Variants in EPHA6 observed in about 807,000 individuals in gnomAD.
The protein encoded by EPHA6 is EPH receptor A6.
A neutral mutation model predicts 112.0 loss-of-function variants in EPHA6; 50 were observed. The ratio of observed to expected loss-of-function variants is 0.45; its 90% CI spans 0.36 to 0.56. EPHA6 has a LOEUF of 0.56. Ranked by LOEUF, EPHA6 falls within the 20% of genes least tolerant of loss-of-function variation. EPHA6 has a pLI of 0.00. For missense variants in EPHA6, 1,280 were observed against 1,417.4 expected, an observed-to-expected ratio of 0.90 and a Z score of 1.56; for synonymous variants, 529 against 490.7, an observed-to-expected ratio of 1.08 and a Z score of -1.03.
chr3:97,523,524 T>A (rs1424252040), intron 10 of EPHA6, among the ~76,000 whole-genome samples: 1 of 152,104 alleles, frequency 6.6e-6, no homozygotes, highest in African/African-American at 2.4e-5. Flanking sequence ...GTTCTGTATA[T>A]ACCTGTTAGG....
chr3:96,983,081 T>A (rs2042868239), intron 2 of EPHA6, among the ~76,000 whole-genome samples: 1 of 152,172 alleles, frequency 6.6e-6, no homozygotes, highest in Admixed American at 6.5e-5. Flanking sequence ...ATGTGTGAAT[T>A]TGATCCTGTC....
At chr3:97,218,438 G>A (rs767717733) in intron 3 of EPHA6, among the ~76,000 whole-genome samples, 106 of 152,168 alleles carry the variant, frequency 7.0e-4, no homozygotes, top group Non-Finnish European at 1.2e-3. Context: ...CAATTGTGGC[G>A]GAAGGCAAAA....
chr3:96,843,831 T>A (rs2034903195), intron 1 of EPHA6, among the ~76,000 whole-genome samples: 1 of 152,070 alleles, frequency 6.6e-6, no homozygotes. Context: ...TAGTTAACAA[T>A]AATAAGAAAT....
At chr3:96,859,748 G>A (rs62262943) in intron 1 of EPHA6, among the ~76,000 whole-genome samples, 53 of 152,008 alleles carry the variant, frequency 3.5e-4, no homozygotes, top group Non-Finnish European at 6.6e-4. Flanking sequence ...GTTGTCTACT[G>A]GGATGCATTT....
chr3:97,609,820 G>A (rs1442931105), intron 12 of EPHA6, among the ~76,000 whole-genome samples: 5 of 151,476 alleles, frequency 3.3e-5, no homozygotes, highest in Non-Finnish European at 7.4e-5. Flanking sequence ...ACTGTGCATA[G>A]TGCAGATTGA....
chr3:97,393,890 A>C (rs946709131), intron 5 of EPHA6, among the ~76,000 whole-genome samples: 7 of 151,814 alleles, frequency 4.6e-5, no homozygotes, highest in African/African-American at 1.7e-4. Context: ...GCATGTTGTC[A>C]CAAATGACAG....
chr3:96,834,293 T>C (rs1009702813), intron 1 of EPHA6, among the ~76,000 whole-genome samples: 3 of 151,964 alleles, frequency 2.0e-5, no homozygotes, highest in Non-Finnish European at 2.9e-5. Flanking sequence ...TAATGGGGAA[T>C]CTGCATGGTC....
chr3:97,568,252 A>G (rs2093292866), intron 11 of EPHA6, among the ~76,000 whole-genome samples: 2 of 152,240 alleles, frequency 1.3e-5, no homozygotes, highest in Non-Finnish European at 2.9e-5. Flanking sequence ...TACATCAATC[A>G]TCATTTCTTT....
At chr3:97,153,273 G>C (rs910681340) in intron 3 of EPHA6, among the ~76,000 whole-genome samples, 1 of 151,864 alleles carries the variant, frequency 6.6e-6, no homozygotes, top group Admixed American at 6.6e-5. Context: ...CAAAGTGCTT[G>C]AGAAGCATTA....
intron 5 of EPHA6, among the ~76,000 whole-genome samples, chr3:97,271,694 T>C (rs1158192932): frequency 1.3e-5 from 2 of 152,220 alleles, no homozygotes; most frequent in East Asian, 3.8e-4. Flanking sequence ...ACGTTGGAGT[T>C]TGTCTTACAC....
intron 5 of EPHA6, among the ~76,000 whole-genome samples, chr3:97,346,716 A>T (rs182985840): frequency 6.6e-6 from 1 of 151,698 alleles, no homozygotes; most frequent in Non-Finnish European, 1.5e-5. Context: ...ATACAGCTTC[A>T]AATGAGGCTG....
At chr3:97,202,394 A>G (rs1344304799) in intron 3 of EPHA6, among the ~76,000 whole-genome samples, 2 of 151,236 alleles carry the variant, frequency 1.3e-5, no homozygotes, top group Admixed American at 6.6e-5. Flanking sequence ...TCTGTCACTC[A>G]GGCTAGAGTA....
In EPHA6 at chr3:97,750,625, G is replaced by C. The variant is rs2035878652; in HGVS notation, c.*1924G>C. 6.6e-6 allele frequency among the ~76,000 whole-genome samples: 1 copy of C among 152,236 alleles called. No individual in the cohort carries two copies. The highest frequency in any genetic ancestry group is 1.5e-5 in the Non-Finnish European group (1 of 68,016). ...CCGCCTCAGCCTCTCAAAGTGCTGA[G>C]ATTACAGGCGTGAGCCACCGCGCCT... is the stretch of plus-strand genomic sequence containing the variant. On this transcript the variant is annotated 3_prime_UTR_variant, in exon 18 of 18. Transcript: ENST00000389672.
At chr3:97,455,705 T>G (rs551575878) in intron 7 of EPHA6, among the ~76,000 whole-genome samples, 5 of 152,006 alleles carry the variant, frequency 3.3e-5, no homozygotes, top group African/African-American at 4.8e-5. Context: ...TATTTCTGGA[T>G]TAATGTACAC....
intron 14 of EPHA6, among the ~76,000 whole-genome samples, chr3:97,708,475 T>A (rs888596033): frequency 6.6e-6 from 1 of 152,230 alleles, no homozygotes; most frequent in African/African-American, 2.4e-5. Context: ...TTGGAACTTA[T>A]GTTTAAAAGG....
At chr3:97,514,558 G>T (rs1252363522) in intron 10 of EPHA6, among the ~76,000 whole-genome samples, 2 of 152,056 alleles carry the variant, frequency 1.3e-5, no homozygotes, top group Non-Finnish European at 2.9e-5. Context: ...ATGAATTAAG[G>T]GATAAAGAAG....
At chr3:97,398,205 A>G (rs549833510) in intron 5 of EPHA6, among the ~76,000 whole-genome samples, 65 of 151,624 alleles carry the variant, frequency 4.3e-4, no homozygotes, top group African/African-American at 1.3e-3. Flanking sequence ...AGCAAAATGT[A>G]AAACACTGGT....
At chr3:97,352,163 T>A (rs971024498) in intron 5 of EPHA6, among the ~76,000 whole-genome samples, 4 of 151,664 alleles carry the variant, frequency 2.6e-5, no homozygotes, top group African/African-American at 4.8e-5. Flanking sequence ...AAAAGGATAT[T>A]TTTTTTTAAT....
intron 3 of EPHA6, among the ~76,000 whole-genome samples, chr3:97,124,502 A>AAAGAAAGAAAGAAAGAAAGG (rs2048131607): frequency 7.7e-6 from 1 of 129,758 alleles, no homozygotes; most frequent in African/African-American, 3.6e-5. Flanking sequence ...AGAAAGAAAG[A>AAAGAAAGAAAGAAAGAAAGG]GAAAGAAAGA....
Sources: allele counts gnomAD v4.1 joint callset (sites outside exome capture counted in the v4.1 genomes callset), GRCh38; gene constraint gnomAD v4.1.1; transcripts MANE v1.5; gene names NCBI Gene and HGNC (gene_info 2026-07-23, HGNC 2026-07-21).